NRXN1: variants seen among roughly 807,000 people sequenced by gnomAD.
NRXN1 encodes neurexin 1.
In NRXN1, 39 loss-of-function variants were observed where a neutral mutation model predicts 150.9. The ratio of observed to expected loss-of-function variants is 0.26; its 90% confidence interval spans 0.20 to 0.34. NRXN1 has a LOEUF of 0.34. Ranked by LOEUF, NRXN1 falls within the 10% of genes least tolerant of loss-of-function variation. The pLI, the probability that NRXN1 is intolerant of heterozygous loss-of-function variation, is 1.00. For missense variants in NRXN1, 1,815 were observed against 1,949.9 expected (o/e 0.93, Z 1.30); for synonymous variants, 924 against 757.0 (o/e 1.22, Z -3.62).
intron 17 of NRXN1, among the ~76,000 whole-genome samples, chr2:50,351,538 C>A (rs961444775): frequency 3.3e-5 from 5 of 152,040 alleles, no homozygotes; most frequent in Non-Finnish European, 7.4e-5. Context: ...AGGCAAGATG[C>A]GTGAATTAAC....
chr2:50,538,186 G>A (rs992878648), intron 10 of NRXN1, 67 bp downstream of exon 10: 188 of 1,542,194 alleles, frequency 1.2e-4, no homozygotes, highest in Middle Eastern at 4.4e-4. Context: ...GTCAGTGCAG[G>A]TTTGAGGTCA....
intron 17 of NRXN1, among the ~76,000 whole-genome samples, chr2:50,309,157 T>G (rs1017468240): frequency 3.3e-5 from 5 of 152,188 alleles, no homozygotes; most frequent in Admixed American, 6.6e-5. Flanking sequence ...TGCATTTCAT[T>G]TTACTTTTTA....
chr2:50,019,530 C>A (rs1573443759), intron 21 of NRXN1, among the ~76,000 whole-genome samples: 2 of 145,366 alleles, frequency 1.4e-5, no homozygotes, highest in Admixed American at 7.0e-5. Context: ...GTAATCCCAG[C>A]CACTCGGGAG....
At chr2:50,507,471 G>T (rs903606588) in intron 12 of NRXN1, among the ~76,000 whole-genome samples, 1 of 152,094 alleles carries the variant, frequency 6.6e-6, no homozygotes, top group Non-Finnish European at 1.5e-5. Flanking sequence ...GGGATTACCA[G>T]TGGGCATCGA....
At chr2:50,287,125 T>C (rs2072293771) in intron 17 of NRXN1, among the ~76,000 whole-genome samples, 1 of 152,086 alleles carries the variant, frequency 6.6e-6, no homozygotes, top group African/African-American at 2.4e-5. Context: ...TCAACAAGTA[T>C]ATAAAAAATA....
At chr2:50,658,505 T>C (rs1686833252) in intron 5 of NRXN1, among the ~76,000 whole-genome samples, 1 of 151,642 alleles carries the variant, frequency 6.6e-6, no homozygotes, top group Non-Finnish European at 1.5e-5. Flanking sequence ...TCACATGTCT[T>C]CTAGAAATAT....
At chr2:50,552,011 G>A (rs1667611714) in intron 9 of NRXN1, among the ~76,000 whole-genome samples, 1 of 152,174 alleles carries the variant, frequency 6.6e-6, no homozygotes, top group Non-Finnish European at 1.5e-5. Flanking sequence ...GCAACAGGAA[G>A]CAGAATGTTT....
chr2:50,573,631 T>C (rs1323136330), intron 8 of NRXN1, among the ~76,000 whole-genome samples: 1 of 152,052 alleles, frequency 6.6e-6, no homozygotes, highest in Non-Finnish European at 1.5e-5. Context: ...CAGCATCTCA[T>C]TGGGGTGGAA....
intron 19 of NRXN1, among the ~76,000 whole-genome samples, chr2:50,076,380 T>C (rs1426203836): frequency 6.6e-6 from 1 of 151,392 alleles, no homozygotes; most frequent in African/African-American, 2.4e-5. Context: ...AATAATATAG[T>C]GGAATTAACT....
At chr2:51,006,844 A>C (rs1010914434) in intron 2 of NRXN1, among the ~76,000 whole-genome samples, 6 of 151,954 alleles carry the variant, frequency 3.9e-5, no homozygotes, top group Middle Eastern at 3.4e-3. Context: ...TTCATATTCA[A>C]GTTTCGCCTT....
intron 8 of NRXN1, among the ~76,000 whole-genome samples, chr2:50,561,344 T>C (rs1669050723): frequency 6.6e-6 from 1 of 152,224 alleles, no homozygotes; most frequent in Non-Finnish European, 1.5e-5. Flanking sequence ...TAATGCCTTT[T>C]GGAAATAAAT....
chr2:50,248,277 G>A (rs1574724120), intron 17 of NRXN1, among the ~76,000 whole-genome samples: 1 of 152,278 alleles, frequency 6.6e-6, no homozygotes, highest in East Asian at 1.9e-4. Context: ...GGCCTCTGAA[G>A]TGCTGGGATT....
intron 17 of NRXN1, among the ~76,000 whole-genome samples, chr2:50,330,257 G>A (rs1481248588): frequency 1.3e-5 from 2 of 151,916 alleles, no homozygotes; most frequent in East Asian, 1.9e-4. Context: ...CTTTAGATAC[G>A]ATTCTGGATA....
At chr2:50,427,144 T>C (rs2084559271) in intron 17 of NRXN1, among the ~76,000 whole-genome samples, 1 of 152,184 alleles carries the variant, frequency 6.6e-6, no homozygotes. Flanking sequence ...TGACATCATC[T>C]AAATCTATTT....
At chr2:50,276,035 C>G (rs2070411868) in intron 17 of NRXN1, among the ~76,000 whole-genome samples, 1 of 141,008 alleles carries the variant, frequency 7.1e-6, no homozygotes, top group South Asian at 2.3e-4. Context: ...TTAATTTAAA[C>G]CAGAAACTAA....
rs566401538 is a variant in NRXN1, at chr2:50,079,030, A to G, written c.3718+12293T>C. Among the ~76,000 whole-genome samples, 111 of 152,022 alleles carry G rather than the reference A, an allele frequency of 7.3e-4. 1 individual carries two copies. Among genetic ancestry groups the G allele is most frequent in the African/African-American group, 2.4e-3 (101 of 41,504 alleles). Reference sequence around the variant, plus strand: ...TTTCCATCATCCTTCTACATTATTAATTGTAATTTTTCTGTATGGGTGAGC... The same window carrying G: ...TTTCCATCATCCTTCTACATTATTAGTTGTAATTTTTCTGTATGGGTGAGC... On this transcript the variant is annotated intron_variant, in intron 19 of 22. Coordinates refer to ENST00000401669, the MANE Select transcript of NRXN1 (RefSeq NM_001330078.2).
chr2:50,702,909 C>G (rs1693950171), intron 5 of NRXN1, among the ~76,000 whole-genome samples: 1 of 151,986 alleles, frequency 6.6e-6, no homozygotes, highest in African/African-American at 2.4e-5. Context: ...TAACTGAATT[C>G]CCCTATCAGG....
intron 2 of NRXN1, among the ~76,000 whole-genome samples, chr2:50,978,043 T>A (rs778676710): frequency 6.6e-6 from 1 of 151,322 alleles, no homozygotes; most frequent in South Asian, 2.1e-4. Flanking sequence ...ACCTAAAAGT[T>A]GGACATCAGT....
At chr2:50,067,024 C>T (rs1444585545) in intron 19 of NRXN1, among the ~76,000 whole-genome samples, 1 of 152,190 alleles carries the variant, frequency 6.6e-6, no homozygotes, top group African/African-American at 2.4e-5. Context: ...GCACGCACAG[C>T]TCAAGTAGGG....
Sources: gnomAD v4.1 joint callset for allele counts (sites outside exome capture counted in the v4.1 genomes callset) on GRCh38, gnomAD v4.1.1 for gene constraint, MANE v1.5 for transcripts, NCBI Gene and HGNC (gene_info 2026-07-23, HGNC 2026-07-21) for gene names.